UBAC2: variants seen among roughly 807,000 people sequenced by gnomAD.
The protein encoded by UBAC2 is ubiquitin-associated domain-containing protein 2.
Under a neutral mutation model 44.0 loss-of-function variants are expected in UBAC2, and 26 were observed. The observed-to-expected ratio is 0.59, with a 90% CI of 0.43 to 0.82. The LOEUF is 0.82. UBAC2 is among the 40% of genes least tolerant of loss of function. The pLI, the probability that UBAC2 is intolerant of heterozygous loss-of-function variation, is 0.00. For synonymous variants in UBAC2, 155 were observed against 154.3 expected (o/e 1.00, Z -0.04); for missense variants, 329 against 419.4 (o/e 0.78, Z 1.88).
intron 7 of UBAC2, among the ~76,000 whole-genome samples, chr13:99,353,615 A>G (rs2138862272): frequency 6.6e-6 from 1 of 152,306 alleles, no homozygotes; most frequent in Admixed American, 6.5e-5. Context: ...TCACTTATTA[A>G]TCAGTTTTTG....
chr13:99,241,560 G>C (rs191488299), intron 2 of UBAC2, among the ~76,000 whole-genome samples: 22 of 152,226 alleles, frequency 1.4e-4, no homozygotes, highest in Admixed American at 1.0e-3. Context: ...GAGACATTAA[G>C]TAGAATAGTG....
At chr13:99,374,592 GA>G (rs2138914144) in intron 8 of UBAC2, among the ~76,000 whole-genome samples, 1 of 152,324 alleles carries the variant, frequency 6.6e-6, no homozygotes, top group South Asian at 2.1e-4. Context: ...AAATCTTAAT[GA>G]GGCTGTCTCC....
At chr13:99,375,414 G>A (rs976636871) in intron 8 of UBAC2, among the ~76,000 whole-genome samples, 3 of 152,180 alleles carry the variant, frequency 2.0e-5, no homozygotes, top group African/African-American at 7.2e-5. Context: ...ACAGGTAACC[G>A]GTGCCAGTTG....
At chr13:99,316,207 AG>A (rs1249866359) in intron 5 of UBAC2, among the ~76,000 whole-genome samples, 1 of 152,130 alleles carries the variant, frequency 6.6e-6, no homozygotes, top group Non-Finnish European at 1.5e-5. Flanking sequence ...GATAAAATCT[AG>A]GTCCTTAGCA....
At position 99,314,230 on chromosome 13, in the gene UBAC2, G is replaced by A. The variant is rs773711764; in HGVS notation, c.513+10G>A. 1.3e-6 allele frequency: 2 copies of A among 1,540,758 alleles called. No homozygotes were observed. Among genetic ancestry groups the A allele is most frequent in the African/African-American group, 1.4e-5 (1 of 69,196 alleles). On this transcript the variant is annotated intron_variant, in intron 5 of 8. Transcript: ENST00000403766. Reference sequence around the variant, plus strand: ...TATATTGGGACTGCAGGTACAGTATGCATTTTTATGTTCACTTTTCTTTAA... The same window carrying A: ...TATATTGGGACTGCAGGTACAGTATACATTTTTATGTTCACTTTTCTTTAA...
chr13:99,353,161 TTATAAG>T (rs1196887342), intron 7 of UBAC2, among the ~76,000 whole-genome samples: 1 of 152,242 alleles, frequency 6.6e-6, no homozygotes, highest in Non-Finnish European at 1.5e-5. Context: ...TTTCAAGAGT[TTATAAG>T]TATATAGCAT....
At chr13:99,380,064 T>A (rs1350443863) in intron 8 of UBAC2, among the ~76,000 whole-genome samples, 1 of 152,114 alleles carries the variant, frequency 6.6e-6, no homozygotes, top group Non-Finnish European at 1.5e-5. Context: ...GAGGGTCTCT[T>A]TTCCCTTGGA....
Position 99,295,090 on chromosome 13 carries a change from C to T in UBAC2, c.390-19007C>T. ...TTCCATTTGAAGACTTGGAATGTAT[C>T]ATCATCTGCGTTTCTGTCATTTCAC... is the stretch of plus-strand genomic sequence containing the variant. On this transcript the variant is annotated intron_variant, in intron 4 of 8. Coordinates refer to ENST00000403766, the MANE Select transcript of UBAC2 (RefSeq NM_001144072.2). The surrounding 1 kb of genome is among the most constrained non-coding windows in gnomAD (Gnocchi z 4.1). The T allele has an allele frequency of 6.2e-7, 1 of 1,614,012 alleles. No homozygotes were observed. Among genetic ancestry groups the T allele is most frequent in the South Asian group, 1.1e-5 (1 of 91,064 alleles).
chr13:99,255,894 T>C (rs746873928), intron 4 of UBAC2: 3 of 1,519,562 alleles, frequency 2.0e-6, no homozygotes, highest in Non-Finnish European at 2.6e-6. Flanking sequence ...TTGGTAGGCA[T>C]GATACTTAGA....
chr13:99,342,889 C>A (rs1485596285), intron 7 of UBAC2, among the ~76,000 whole-genome samples: 1 of 152,246 alleles, frequency 6.6e-6, no homozygotes, highest in Non-Finnish European at 1.5e-5. Context: ...GGGGGTTCCC[C>A]TGATCGCTGT....
In UBAC2 at chr13:99,242,714, G is replaced by T. The variant is rs188179841; in HGVS notation, c.160-1118G>T. On this transcript the variant is annotated intron_variant, in intron 2 of 8. Coordinates refer to ENST00000403766, the MANE Select transcript of UBAC2 (RefSeq NM_001144072.2). Reference sequence around the variant, plus strand: ...CCCCCACCTCCCTCCCCGACGGGGCGGCTGGCCTGGCCGGGGCTGACCCCC... The same window carrying T: ...CCCCCACCTCCCTCCCCGACGGGGCTGCTGGCCTGGCCGGGGCTGACCCCC... Among the ~76,000 whole-genome samples the T allele has an allele frequency of 5.6e-3, 828 of 148,408 alleles. 11 individuals are homozygous for T. The highest frequency in any genetic ancestry group is 0.019 in the African/African-American group (764 of 39,818).
chr13:99,299,417 C>A (rs1052899384), intron 4 of UBAC2, among the ~76,000 whole-genome samples: 28 of 152,176 alleles, frequency 1.8e-4, no homozygotes, highest in African/African-American at 6.7e-4. Context: ...GATTATACAA[C>A]ATGCCACTTT....
chr13:99,368,080 C>A (rs971782123), intron 8 of UBAC2, among the ~76,000 whole-genome samples, 174 bp downstream of exon 8: 1 of 151,674 alleles, frequency 6.6e-6, no homozygotes, highest in Non-Finnish European at 1.5e-5. Context: ...GTGGTTCTTA[C>A]GAGTTTAAGG....
intron 4 of UBAC2, chr13:99,255,559 G>T: frequency 6.2e-7 from 1 of 1,614,114 alleles, no homozygotes. Flanking sequence ...AGCAATGCTT[G>T]GGTAAAACAC....
intron 4 of UBAC2, among the ~76,000 whole-genome samples, chr13:99,311,960 TG>T (rs1443855744): frequency 6.6e-6 from 1 of 152,260 alleles, no homozygotes; most frequent in African/African-American, 2.4e-5. Flanking sequence ...TCTCACTGGA[TG>T]GCTAGCCAGG....
At chr13:99,268,927 G>T (rs144786763) in intron 4 of UBAC2, among the ~76,000 whole-genome samples, 1 of 152,168 alleles carries the variant, frequency 6.6e-6, no homozygotes, top group Non-Finnish European at 1.5e-5. Context: ...AGAAACTGGG[G>T]CAGAACTGTC....
At chr13:99,234,311 C>A in intron 1 of UBAC2, 1 of 317,384 alleles carries the variant, frequency 3.2e-6, no homozygotes, top group South Asian at 2.1e-5. Context: ...CCCGCCTCAG[C>A]TTCCCAAGTG....
At chr13:99,269,388 G>A (rs1293141487) in intron 4 of UBAC2, among the ~76,000 whole-genome samples, 1 of 152,198 alleles carries the variant, frequency 6.6e-6, no homozygotes, top group East Asian at 1.9e-4. Context: ...TGGTACAGCA[G>A]AACTTGTTCC....
intron 7 of UBAC2, among the ~76,000 whole-genome samples, chr13:99,364,456 A>G (rs2045304758): frequency 6.6e-6 from 1 of 151,538 alleles, no homozygotes; most frequent in Non-Finnish European, 1.5e-5. Flanking sequence ...AATTAACTAT[A>G]TATTGTATAA....
Sources: allele counts gnomAD v4.1 joint callset (sites outside exome capture counted in the v4.1 genomes callset), GRCh38; gene constraint gnomAD v4.1.1; non-coding constraint Gnocchi (gnomAD v3.1); transcripts MANE v1.5; gene names NCBI Gene and HGNC (gene_info 2026-07-23, HGNC 2026-07-21).